The following UGT2B4 variants were observed in gnomAD, a reference collection of about 807,000 sequenced individuals.
UGT2B4 encodes UDP-glucuronosyltransferase 2B4.
UGT2B4 carries 49 observed loss-of-function variants against 49.8 expected under a neutral mutation model. The ratio of observed to expected loss-of-function variants is 0.98; its 90% CI spans 0.78 to 1.25. The LOEUF (loss-of-function observed/expected upper bound fraction) is 1.25. Among genes scored for constraint, UGT2B4 ranks in the 50% most tolerant of loss-of-function variants. UGT2B4 has a pLI of 0.00. For missense variants in UGT2B4, 729 were observed against 627.7 expected (o/e 1.16, Z -1.73); for synonymous variants, 246 against 217.7 (o/e 1.13, Z -1.14).
At position 69,516,106 on chromosome 4, in the gene UGT2B4, G is replaced by T. The variant is rs1377353014; in HGVS notation, c.-106+9581C>A. Among the ~76,000 whole-genome samples, 3 of 152,204 alleles carry T rather than the reference G, an allele frequency of 2.0e-5. No individual in the cohort carries two copies. In the East Asian group the frequency reaches 5.8e-4, roughly 29 times the overall value. ...GAGAAAATGTGGTGTTTGGTTTTCT[G>T]TTCCAACATTAATTTGCTGAGGGTA... On this transcript the variant is annotated intron_variant, in intron 1 of 1. Coordinates refer to the UGT2B4 transcript ENST00000510114.
intron 5 of UGT2B4, among the ~76,000 whole-genome samples, chr4:69,484,800 CTG>C (rs1398075440): frequency 6.6e-6 from 1 of 151,950 alleles, no homozygotes; most frequent in Non-Finnish European, 1.5e-5. Context: ...ATTATCAAGT[CTG>C]TTACAATAAT....
intron 1 of UGT2B4, among the ~76,000 whole-genome samples, chr4:69,514,282 C>T (rs1728677542): frequency 6.6e-6 from 1 of 152,094 alleles, no homozygotes; most frequent in African/African-American, 2.4e-5. Context: ...TATTCCCCTT[C>T]CTGTGTCCAA....
chr4:69,525,779 A>T, exon 1 of UGT2B4: 1 of 1,181,952 alleles, frequency 8.5e-7, no homozygotes, highest in Non-Finnish European at 1.1e-6. Flanking sequence ...TATTTAAACA[A>T]GTTGACTAAC....
intron 1 of UGT2B4, among the ~76,000 whole-genome samples, chr4:69,519,870 T>G (rs1864835): frequency 0.35 from 53,345 of 151,946 alleles, 9,431 homozygotes; most frequent in Non-Finnish European, 0.37. Flanking sequence ...CAGATTCACT[T>G]GGCTAGATGA....
chr4:69,480,976 C>T, intron 5 of UGT2B4, 66 bp from the exon 6 acceptor site: 1 of 1,552,204 alleles, frequency 6.4e-7, no homozygotes, highest in Non-Finnish European at 8.8e-7. Context: ...CGGAGGCTCA[C>T]ACCTGCAATC....
intron 5 of UGT2B4, among the ~76,000 whole-genome samples, chr4:69,484,500 CA>C (rs1339688558): frequency 6.6e-6 from 1 of 150,638 alleles, no homozygotes; most frequent in African/African-American, 2.5e-5. Flanking sequence ...CATAAAAAAA[CA>C]ACAAAAACTG....
At chr4:69,513,594 T>TTTC (rs1393132827) in intron 1 of UGT2B4, among the ~76,000 whole-genome samples, 2 of 152,168 alleles carry the variant, frequency 1.3e-5, no homozygotes, top group African/African-American at 4.8e-5. Context: ...TTAAAATAGT[T>TTTC]TTCTCTAGTT....
At chr4:69,521,703 C>A (rs1728854645) in intron 1 of UGT2B4, among the ~76,000 whole-genome samples, 1 of 152,102 alleles carries the variant, frequency 6.6e-6, no homozygotes, top group African/African-American at 2.4e-5. Flanking sequence ...CAGGTGCAAG[C>A]AATAGTTAGG....
In UGT2B4 at chr4:69,493,700, A is replaced by G; in HGVS notation, c.863T>C (p.Leu288Pro). ...CAAACAGTAATAGTTTACCTTCGGTAGGGGTTTGGCAGGTTTGCAGTGGAG... is the reference window on the plus strand; with the variant it reads ...CAAACAGTAATAGTTTACCTTCGGTGGGGGTTTGGCAGGTTTGCAGTGGAG... ...GGLHCKPAKP[L>P]PKEMEEFVQS... The change falls in exon 2 of 6, where the codon CTA (leucine) becomes CCA (proline). Residue 288 changes from leucine (L) to proline (P), a missense_variant. Coordinates refer to ENST00000305107, the MANE Select transcript of UGT2B4 (RefSeq NM_021139.3). 2 of 1,606,352 alleles carry G rather than the reference A, an allele frequency of 1.2e-6. No homozygotes were observed. Among genetic ancestry groups the G allele is most frequent in the Non-Finnish European group, 8.5e-7 (1 of 1,177,558 alleles).
At chr4:69,484,288 G>A (rs4557343) in intron 5 of UGT2B4, among the ~76,000 whole-genome samples, 4 of 151,942 alleles carry the variant, frequency 2.6e-5, no homozygotes, top group African/African-American at 7.2e-5. Context: ...GAAATTCCAC[G>A]TCTAGTATCT....
At chr4:69,502,545 C>T (rs1394840746) in intron 1 of UGT2B4, among the ~76,000 whole-genome samples, 2 of 152,032 alleles carry the variant, frequency 1.3e-5, no homozygotes, top group Non-Finnish European at 2.9e-5. Flanking sequence ...CTGGAGTGGG[C>T]CCCCAGCATA....
At position 69,495,544 on chromosome 4, in the gene UGT2B4, C is replaced by T; in HGVS notation, c.318G>A (p.Trp106Ter). 6.2e-7 allele frequency: 1 copy of T among 1,613,320 alleles called. No individual in the cohort carries two copies. Among genetic ancestry groups the T allele is most frequent in the Non-Finnish European group, 8.5e-7 (1 of 1,179,620 alleles). The change falls in exon 1 of 6, where the codon TGG becomes TGA. Residue 106 changes from tryptophan (W) to a stop codon, truncating the protein, a stop_gained. Transcript: ENST00000305107. LOFTEE classifies it high-confidence loss of function. ...TTTCTTGTACTTGTGAAAAATATGA[C>T]CAAAATGTGTCTTTTGGAAGTTCTG... ...RWAELPKDTF[W>*]SYFSQVQEIM...
At position 69,493,824 on chromosome 4, in the gene UGT2B4, A is replaced by G. The variant is rs1222059916; in HGVS notation, c.739T>C (p.Ser247Pro). ...ATGTCAGCTTTTGCCATTGTCTCAG[A>G]TAACGTAGTGGGTCTTCCTGATGGG... The part of the protein sequence containing the change: ...SEVLGRPTTL[S>P]ETMAKADIWL... The change falls in exon 2 of 6, where the codon TCT (serine) becomes CCT (proline). Residue 247 changes from serine (S) to proline (P), a missense_variant. By Grantham distance (74) the Ser-to-Pro change is moderately conservative (BLOSUM62 -1). Coordinates refer to ENST00000305107, the MANE Select transcript of UGT2B4 (RefSeq NM_021139.3). The G allele has an allele frequency of 6.2e-7, 1 of 1,603,154 alleles. No individual in the cohort carries two copies. Among genetic ancestry groups the G allele is most frequent in the Admixed American group, 1.7e-5 (1 of 58,352 alleles).
At chr4:69,514,884 T>C (rs1429630032) in intron 1 of UGT2B4, among the ~76,000 whole-genome samples, 1 of 152,136 alleles carries the variant, frequency 6.6e-6, no homozygotes, top group Non-Finnish European at 1.5e-5. Context: ...AAGCAAGGGT[T>C]GCAGTCCTAG....
chr4:69,480,865 T>C lies in UGT2B4; in HGVS notation c.1356A>G (p.Gln452=). Residue 452 remains glutamine, a synonymous_variant, in exon 6 of 6, where the codon CAA becomes CAG. Transcript: ENST00000305107. ...AMKLSRIHHD[Q]PVKPLDRAVF... is the part of the protein sequence containing the mutation. ...CTGCTCGATCAAGGGGCTTCACTGG[T>C]TGATCATGATGAATTCTTGATAATT... 6.2e-7 allele frequency: 1 copy of C among 1,613,836 alleles called. No homozygotes were observed.
Position 69,488,607 on chromosome 4 carries a change from C to T in UGT2B4, c.1002+832G>A, listed in dbSNP as rs541856735. Among the ~76,000 whole-genome samples, 18 of 152,116 alleles carry T rather than the reference C, an allele frequency of 1.2e-4. No homozygotes were observed. The South Asian group carries it at 3.7e-3, about 32-fold the overall frequency. On this transcript the variant is annotated intron_variant, in intron 3 of 5. Transcript: ENST00000305107. Reference sequence around the variant, plus strand: ...TGTTCTATGGAGGGGGCATCTGAACCTGTTCCCCTGCCTGGCTTCCTTCTG... The same window carrying T: ...TGTTCTATGGAGGGGGCATCTGAACTTGTTCCCCTGCCTGGCTTCCTTCTG...
chr4:69,522,580 C>A (rs1230290079), intron 1 of UGT2B4, among the ~76,000 whole-genome samples: 1 of 152,162 alleles, frequency 6.6e-6, no homozygotes, highest in Non-Finnish European at 1.5e-5. Flanking sequence ...AAAATGCTAA[C>A]AATCATCTGA....
At chr4:69,509,304 TGG>T (rs1553897204) in intron 1 of UGT2B4, among the ~76,000 whole-genome samples, 1 of 151,700 alleles carries the variant, frequency 6.6e-6, no homozygotes, top group Non-Finnish European at 1.5e-5. Context: ...CCTGAGTAGC[TGG>T]GACTACAGGC....
At position 69,511,525 on chromosome 4, in the gene UGT2B4, CTT is replaced by C. The variant is rs531694747; in HGVS notation, c.-106+14160_-106+14161del. Among the ~76,000 whole-genome samples the C allele has an allele frequency of 2.6e-5, 4 of 152,186 alleles. No homozygotes were observed. In the South Asian group the frequency reaches 8.3e-4, roughly 32 times the overall value. On this transcript the variant is annotated intron_variant, in intron 1 of 1. Coordinates refer to the UGT2B4 transcript ENST00000510114. ...TCATTTAGTCATGATGAATGAACCTCTTAATATGCTGTGGAATTAAGTTTCCC... is the reference window on the plus strand; with the variant it reads ...TCATTTAGTCATGATGAATGAACCTCAATATGCTGTGGAATTAAGTTTCCC...
Sources: allele counts gnomAD v4.1 joint callset (sites outside exome capture counted in the v4.1 genomes callset), GRCh38; gene constraint gnomAD v4.1.1; transcripts MANE v1.5; gene names NCBI Gene and HGNC (gene_info 2026-07-23, HGNC 2026-07-21).